Variants in SDK1 observed in about 807,000 individuals in gnomAD.
The protein encoded by SDK1 is protein sidekick-1.
In SDK1, 157 loss-of-function variants were observed where a neutral mutation model predicts 245.5. The observed-to-expected ratio is 0.64, with a 90% CI of 0.56 to 0.73. The LOEUF (loss-of-function observed/expected upper bound fraction) is 0.73. SDK1 is among the 30% of genes least tolerant of loss of function. The pLI is 0.00. For missense variants in SDK1, 3,583 were observed against 3,002.3 expected, an observed-to-expected ratio of 1.19 and a Z score of -4.52; for synonymous variants, 1,647 against 1,278.5, an observed-to-expected ratio of 1.29 and a Z score of -6.15.
At chr7:3,960,770 G>C (rs1399608701) in intron 8 of SDK1, among the ~76,000 whole-genome samples, 1 of 152,182 alleles carries the variant, frequency 6.6e-6, no homozygotes, top group Non-Finnish European at 1.5e-5. Context: ...TGTGAGAGAA[G>C]AGTAAGACGA....
At chr7:3,775,679 C>G (rs1780534960) in intron 4 of SDK1, among the ~76,000 whole-genome samples, 1 of 151,808 alleles carries the variant, frequency 6.6e-6, no homozygotes, top group African/African-American at 2.4e-5. Flanking sequence ...CGGGTTCACG[C>G]CATTCTCCTG....
chr7:3,330,232 T>C (rs1583692071), intron 1 of SDK1, among the ~76,000 whole-genome samples: 1 of 152,230 alleles, frequency 6.6e-6, no homozygotes, highest in Non-Finnish European at 1.5e-5. Context: ...CTGGGTCATA[T>C]AGTAACTGTT....
At chr7:3,557,985 G>A (rs1235221571) in intron 1 of SDK1, among the ~76,000 whole-genome samples, 2 of 152,120 alleles carry the variant, frequency 1.3e-5, no homozygotes, top group African/African-American at 4.8e-5. Flanking sequence ...ACAAAGCATA[G>A]TTTTGTTTCC....
chr7:3,468,755 C>T (rs555663667), intron 1 of SDK1, among the ~76,000 whole-genome samples: 6 of 152,166 alleles, frequency 3.9e-5, no homozygotes, highest in East Asian at 1.9e-4. Context: ...GAGTGTTGTC[C>T]GTATTTTGTT....
At chr7:3,504,344 C>A (rs1380944466) in intron 1 of SDK1, among the ~76,000 whole-genome samples, 1 of 151,340 alleles carries the variant, frequency 6.6e-6, no homozygotes, top group Non-Finnish European at 1.5e-5. Flanking sequence ...TACAAGGGAC[C>A]CAGAATGGCC....
chr7:3,335,573 T>G (rs1016997310), intron 1 of SDK1, among the ~76,000 whole-genome samples: 1 of 152,138 alleles, frequency 6.6e-6, no homozygotes, highest in Non-Finnish European at 1.5e-5. Flanking sequence ...ATTCTACAGG[T>G]CTTGTCTTAA....
At chr7:3,784,700 A>C (rs1456000881) in intron 4 of SDK1, among the ~76,000 whole-genome samples, 1 of 152,240 alleles carries the variant, frequency 6.6e-6, no homozygotes, top group Non-Finnish European at 1.5e-5. Flanking sequence ...GTTTTCAAAA[A>C]GACAATATAA....
intron 1 of SDK1, among the ~76,000 whole-genome samples, chr7:3,387,156 AC>A (rs1383582790): frequency 6.6e-6 from 1 of 152,138 alleles, no homozygotes; most frequent in African/African-American, 2.4e-5. Context: ...CCCGACTCAT[AC>A]CCCCAAGCTA....
intron 1 of SDK1, among the ~76,000 whole-genome samples, chr7:3,608,867 T>A (rs966119877): frequency 2.0e-5 from 3 of 152,220 alleles, no homozygotes; most frequent in African/African-American, 7.2e-5. Flanking sequence ...CACAGCTGTT[T>A]GAAAAGGCAA....
At chr7:4,083,966 C>A (rs1781265487) in intron 22 of SDK1, among the ~76,000 whole-genome samples, 1 of 152,008 alleles carries the variant, frequency 6.6e-6, no homozygotes, top group African/African-American at 2.4e-5. Context: ...CTGATGCCTA[C>A]CTTGTGAATT....
At position 4,265,314 on chromosome 7, in the gene SDK1, C is replaced by T; in HGVS notation, c.6572C>T (p.Ala2191Val). The T allele has an allele frequency of 6.5e-7, 1 of 1,548,422 alleles. No homozygotes were observed. The highest frequency in any genetic ancestry group is 8.6e-7 in the Non-Finnish European group (1 of 1,156,606). ...QLHPVITTQS[A>V]GGVYTPAGPG... ...CACCCGGTCATCACCACGCAGAGCG[C>T]GGGCGGCGTCTACACCCCCGCTGGC... The change falls in exon 45 of 45, where the codon GCG becomes GTG. Residue 2191 changes from alanine (A) to valine (V), a missense_variant. Coordinates refer to ENST00000404826, the MANE Select transcript of SDK1 (RefSeq NM_152744.4).
intron 1 of SDK1, among the ~76,000 whole-genome samples, chr7:3,541,093 G>C (rs1227554467): frequency 2.6e-5 from 4 of 152,186 alleles, no homozygotes; most frequent in African/African-American, 4.8e-5. Context: ...TTCTAAACTT[G>C]ATCTGTGTTT....
intron 14 of SDK1, 33 bp downstream of exon 14, chr7:3,987,355 G>A (rs769764987): frequency 2.1e-5 from 33 of 1,608,616 alleles, no homozygotes; most frequent in Admixed American, 1.0e-4. Flanking sequence ...CACCATGGAC[G>A]ATAATCAGAT....
intron 28 of SDK1, among the ~76,000 whole-genome samples, chr7:4,140,798 A>G (rs1034879276): frequency 6.6e-6 from 1 of 152,292 alleles, no homozygotes; most frequent in Non-Finnish European, 1.5e-5. Context: ...CTGTGTCTCC[A>G]TTTTAAAAAA....
chr7:3,808,031 A>G (rs560461743), intron 4 of SDK1, among the ~76,000 whole-genome samples: 1 of 152,274 alleles, frequency 6.6e-6, no homozygotes, highest in South Asian at 2.1e-4. Flanking sequence ...TCAAAGCGTC[A>G]CCAGCTAGGA....
intron 1 of SDK1, among the ~76,000 whole-genome samples, chr7:3,312,631 G>A (rs1003363323): frequency 1.9e-4 from 29 of 151,924 alleles, no homozygotes; most frequent in Non-Finnish European, 3.8e-4. Context: ...TATAATTGAA[G>A]ATAAAAACTG....
In SDK1 at chr7:3,869,578, C is replaced by A. The variant is rs142428909; in HGVS notation, c.847+47995C>A. On this transcript the variant is annotated intron_variant, in intron 5 of 44. Coordinates refer to ENST00000404826, the MANE Select transcript of SDK1 (RefSeq NM_152744.4). ...GCCACCCTGTGCCCCCAGCCCGCTGCGTCCTCTTCCCAGCAGCTCCTCCCC... is the reference window on the plus strand; with the variant it reads ...GCCACCCTGTGCCCCCAGCCCGCTGAGTCCTCTTCCCAGCAGCTCCTCCCC... Among the ~76,000 whole-genome samples, 1,165 of 152,332 alleles carry A rather than the reference C, an allele frequency of 7.6e-3. 14 individuals carry two copies. Among genetic ancestry groups the A allele is most frequent in the African/African-American group, 0.021 (863 of 41,572 alleles).
chr7:3,878,504 A>G (rs1223715506), intron 5 of SDK1, among the ~76,000 whole-genome samples: 3 of 152,176 alleles, frequency 2.0e-5, no homozygotes, highest in African/African-American at 7.2e-5. Flanking sequence ...GTGACAGAGC[A>G]AGACTCTGTC....
At chr7:3,305,475 T>C (rs1348040682) in intron 1 of SDK1, among the ~76,000 whole-genome samples, 1 of 152,202 alleles carries the variant, frequency 6.6e-6, no homozygotes, top group Non-Finnish European at 1.5e-5. Context: ...TAATTAGGCA[T>C]TTCTGCCACT....
Sources: allele counts gnomAD v4.1 joint callset (sites outside exome capture counted in the v4.1 genomes callset), GRCh38; gene constraint gnomAD v4.1.1; transcripts MANE v1.5; gene names NCBI Gene and HGNC (gene_info 2026-07-23, HGNC 2026-07-21).